The following SAMTOR variants were observed in gnomAD, a reference collection of about 807,000 sequenced individuals.
SAMTOR encodes S-adenosylmethionine sensor upstream of mTORC1.
At chr7:112,922,324 T>C in the SAMTOR span, among the ~76,000 whole-genome samples, 18 of 152,154 alleles carry the variant, frequency 1.2e-4, no homozygotes, top group African/African-American at 4.1e-4. Context: ...ACCTCCCAGC[T>C]GCCTGCCTTG....
chr7:112,881,176 A>G, the SAMTOR span, among the ~76,000 whole-genome samples: 2 of 152,202 alleles, frequency 1.3e-5, no homozygotes, highest in African/African-American at 4.8e-5. Flanking sequence ...ATGCATGTAT[A>G]GTGCTGACAC....
chr7:112,885,710 C>T, the SAMTOR span, among the ~76,000 whole-genome samples: 2 of 152,146 alleles, frequency 1.3e-5, no homozygotes. Flanking sequence ...ATCTTCTGAG[C>T]CCTTCAAGTC....
chr7:112,901,424 C>A, the SAMTOR span, among the ~76,000 whole-genome samples: 1 of 152,170 alleles, frequency 6.6e-6, no homozygotes, highest in East Asian at 1.9e-4. Flanking sequence ...CCCATATAAC[C>A]CCCAGATGGG....
chr7:112,938,866 G>A, the SAMTOR span, among the ~76,000 whole-genome samples: 3 of 152,216 alleles, frequency 2.0e-5, no homozygotes, highest in Non-Finnish European at 2.9e-5. Context: ...TGGAAGCCGA[G>A]GGTGGGCTTT....
the SAMTOR span, among the ~76,000 whole-genome samples, chr7:112,885,371 T>C: frequency 6.6e-6 from 1 of 152,350 alleles, no homozygotes; most frequent in Admixed American, 6.5e-5. Flanking sequence ...GTTTTTCTTT[T>C]CTATCATATC....
chr7:112,832,491 C>T, the SAMTOR span: 4 of 871,552 alleles, frequency 4.6e-6, no homozygotes, highest in South Asian at 5.6e-5. Context: ...TTTAGGGATG[C>T]AAAGACAGTG....
chr7:112,923,287 C>G, the SAMTOR span, among the ~76,000 whole-genome samples: 26 of 151,430 alleles, frequency 1.7e-4, no homozygotes, highest in African/African-American at 5.6e-4. Flanking sequence ...CAGCATGCTC[C>G]TTAAGAGTCA....
chr7:112,935,895 A>C, the SAMTOR span, among the ~76,000 whole-genome samples: 1 of 152,194 alleles, frequency 6.6e-6, no homozygotes, highest in African/African-American at 2.4e-5. Flanking sequence ...ATGGAAAAAA[A>C]AAATCATACA....
chr7:112,908,082 T>A, the SAMTOR span, among the ~76,000 whole-genome samples: 1,618 of 152,302 alleles, frequency 0.011, 30 homozygotes, highest in African/African-American at 0.037. Flanking sequence ...AAACAAGTCA[T>A]GAAAATGAGG....
the SAMTOR span, among the ~76,000 whole-genome samples, chr7:112,915,971 G>A: frequency 1.3e-5 from 2 of 152,130 alleles, no homozygotes; most frequent in African/African-American, 4.8e-5. Context: ...TTAAAAAGGG[G>A]TTGGTAGGTA....
the SAMTOR span, among the ~76,000 whole-genome samples, chr7:112,868,611 G>T: frequency 1.3e-5 from 2 of 152,228 alleles, no homozygotes; most frequent in Non-Finnish European, 2.9e-5. Context: ...ACCTAGGACT[G>T]AGAGGAGGAC....
At chr7:112,873,778 G>C in the SAMTOR span, among the ~76,000 whole-genome samples, 3 of 152,038 alleles carry the variant, frequency 2.0e-5, no homozygotes, top group Non-Finnish European at 4.4e-5. Context: ...AGACAACCTA[G>C]AGAATAGGAG....
the SAMTOR span, among the ~76,000 whole-genome samples, chr7:112,863,567 G>A: frequency 1.3e-5 from 2 of 150,710 alleles, no homozygotes; most frequent in Non-Finnish European, 3.0e-5. Context: ...CATCTACAAC[G>A]AACTTAAACA....
chr7:112,916,264 C>G, the SAMTOR span, among the ~76,000 whole-genome samples: 3 of 152,002 alleles, frequency 2.0e-5, no homozygotes, highest in Admixed American at 6.6e-5. Context: ...ACTGTGATGA[C>G]TAATAAAGGT....
At chr7:112,871,601 A>G in the SAMTOR span, among the ~76,000 whole-genome samples, 1 of 152,170 alleles carries the variant, frequency 6.6e-6, no homozygotes, top group African/African-American at 2.4e-5. Context: ...TATTGTACCT[A>G]AAGAAACTGG....
chr7:112,930,036 A>G, the SAMTOR span, among the ~76,000 whole-genome samples: 1 of 152,188 alleles, frequency 6.6e-6, no homozygotes, highest in African/African-American at 2.4e-5. Context: ...AGAAATTCAG[A>G]ACAATTTATT....
the SAMTOR span, among the ~76,000 whole-genome samples, chr7:112,850,931 G>T: frequency 6.6e-6 from 1 of 152,098 alleles, no homozygotes; most frequent in African/African-American, 2.4e-5. Context: ...CACCAATAAT[G>T]ATCTGACGGA....
the SAMTOR span, among the ~76,000 whole-genome samples, chr7:112,892,982 A>C: frequency 1.3e-5 from 2 of 152,148 alleles, no homozygotes; most frequent in Non-Finnish European, 2.9e-5. Context: ...TCTCAACACT[A>C]GGCTTTAAAT....
At chr7:112,922,795 C>G in the SAMTOR span, among the ~76,000 whole-genome samples, 1 of 151,552 alleles carries the variant, frequency 6.6e-6, no homozygotes, top group Admixed American at 6.6e-5. Context: ...GGGGGTCAGC[C>G]CCCGCCAGGC....
Sources: allele counts gnomAD v4.1 joint callset (sites outside exome capture counted in the v4.1 genomes callset), GRCh38; gene constraint gnomAD v4.1.1; transcripts MANE v1.5; gene names NCBI Gene and HGNC (gene_info 2026-07-23, HGNC 2026-07-21).